Variants in TSPAN5 observed in about 807,000 individuals in gnomAD.
TSPAN5 encodes the protein tetraspanin 5.
TSPAN5 carries 10 observed loss-of-function variants against 37.1 expected under a neutral mutation model. That is an observed-to-expected ratio of 0.27 (90% CI 0.17 to 0.46). The LOEUF (loss-of-function observed/expected upper bound fraction) is 0.46, where lower values mean the gene tolerates loss of function less well. Among genes scored for constraint, TSPAN5 ranks in the 20% least tolerant of loss-of-function variants. TSPAN5 has a pLI of 1.00. For missense variants in TSPAN5, 195 were observed against 326.6 expected, an observed-to-expected ratio of 0.60 and a Z score of 3.11; for synonymous variants, 110 against 118.9, an observed-to-expected ratio of 0.93 and a Z score of 0.48.
At chr4:98,496,444 C>T (rs1222340441) in intron 2 of TSPAN5, 4 of 152,066 alleles carry the variant, frequency 2.6e-5, no homozygotes, top group Non-Finnish European at 5.9e-5. Flanking sequence ...CGACTAGCTG[C>T]TTCAAAGGTG....
intron 1 of TSPAN5, among the ~76,000 whole-genome samples, chr4:98,652,191 A>G (rs1353999228): frequency 6.6e-6 from 1 of 152,162 alleles, no homozygotes; most frequent in East Asian, 1.9e-4. Context: ...ACTGTGTTTC[A>G]GACAATGCGC....
At chr4:98,641,260 T>C (rs1399330206) in intron 1 of TSPAN5, among the ~76,000 whole-genome samples, 2 of 152,200 alleles carry the variant, frequency 1.3e-5, no homozygotes, top group African/African-American at 4.8e-5. Context: ...ACAGGACATA[T>C]GTGAATGTGT....
chr4:98,589,878 T>TC (rs1755585797), intron 1 of TSPAN5, among the ~76,000 whole-genome samples: 2 of 152,180 alleles, frequency 1.3e-5, no homozygotes, highest in Admixed American at 6.5e-5. Flanking sequence ...GTGGGGTTTT[T>TC]CTCCCCTTTT....
chr4:98,472,703 T>A lies in TSPAN5; in HGVS notation c.742-116A>T. ...TGAAATTTAAGATGTAATTCATATG[T>A]GGTAAAAAGCATCCTTGAAATGTGT... On this transcript the variant is annotated intron_variant, in intron 7 of 7. Transcript: ENST00000305798. 7 of 834,210 alleles carry A rather than the reference T, an allele frequency of 8.4e-6. No homozygotes were observed. The South Asian group carries it at 9.9e-5, about 12-fold the overall frequency. The allele number at this position is 834,210 out of a possible 1,614,324, so 51.7% of individuals were successfully genotyped here. A position where few individuals can be genotyped will look rare whatever the true frequency, so the allele number is the denominator to read the frequency against.
chr4:98,534,495 G>T (rs1266010549), intron 1 of TSPAN5, among the ~76,000 whole-genome samples: 2 of 152,212 alleles, frequency 1.3e-5, no homozygotes, highest in Admixed American at 6.5e-5. Context: ...ATATTCTGTT[G>T]ATTTAGGGTG....
intron 1 of TSPAN5, among the ~76,000 whole-genome samples, chr4:98,610,889 A>T (rs567636496): frequency 6.6e-6 from 1 of 152,102 alleles, no homozygotes; most frequent in Admixed American, 6.5e-5. Flanking sequence ...CAGGCATGTG[A>T]TTCCCCCTGA....
chr4:98,548,772 G>A (rs1465065209), intron 1 of TSPAN5, among the ~76,000 whole-genome samples: 1 of 152,046 alleles, frequency 6.6e-6, no homozygotes, highest in Non-Finnish European at 1.5e-5. Flanking sequence ...AGAATGTGTG[G>A]CATTTGCCTT....
At chr4:98,560,248 A>G (rs1754850202) in intron 1 of TSPAN5, 1 of 152,214 alleles carries the variant, frequency 6.6e-6, no homozygotes, top group African/African-American at 2.4e-5. Flanking sequence ...AGAGTGGCTC[A>G]TAAGCAGACT....
chr4:98,623,473 T>C (rs1225550689), intron 1 of TSPAN5, among the ~76,000 whole-genome samples: 1 of 152,188 alleles, frequency 6.6e-6, no homozygotes, highest in East Asian at 1.9e-4. Flanking sequence ...TGTAATAATA[T>C]CCTCTGTCCC....
chr4:98,502,599 A>G (rs919944233), intron 2 of TSPAN5, among the ~76,000 whole-genome samples: 6 of 152,222 alleles, frequency 3.9e-5, no homozygotes, highest in Admixed American at 2.6e-4. Context: ...CATGGGTTCA[A>G]TAAGAAAGTG....
At chr4:98,543,803 C>G (rs1459320564) in intron 1 of TSPAN5, among the ~76,000 whole-genome samples, 1 of 152,068 alleles carries the variant, frequency 6.6e-6, no homozygotes, top group African/African-American at 2.4e-5. Context: ...TGAATCCATA[C>G]CTTTTTCTAT....
intron 2 of TSPAN5, among the ~76,000 whole-genome samples, chr4:98,499,861 C>T (rs889512308): frequency 1.8e-4 from 28 of 151,852 alleles, no homozygotes; most frequent in Admixed American, 1.4e-3. Context: ...GGGGTTTCAC[C>T]GTGTTAGCCA....
intron 2 of TSPAN5, among the ~76,000 whole-genome samples, chr4:98,490,172 C>A (rs1248865872): frequency 6.6e-6 from 1 of 152,140 alleles, no homozygotes; most frequent in Admixed American, 6.5e-5. Context: ...GCTCCCAAAC[C>A]CTTGCCCATG....
intron 1 of TSPAN5, among the ~76,000 whole-genome samples, chr4:98,545,934 G>A (rs1279533824): frequency 6.6e-6 from 1 of 152,014 alleles, no homozygotes; most frequent in Non-Finnish European, 1.5e-5. Flanking sequence ...TATTAATAAT[G>A]TTAATAGCAA....
intron 1 of TSPAN5, among the ~76,000 whole-genome samples, chr4:98,543,476 C>A (rs370030108): frequency 6.7e-6 from 1 of 150,230 alleles, no homozygotes; most frequent in African/African-American, 2.5e-5. Flanking sequence ...AGTGCAGTGG[C>A]GTGATCTCGG....
intron 1 of TSPAN5, among the ~76,000 whole-genome samples, chr4:98,621,254 C>G (rs1406309499): frequency 6.6e-6 from 1 of 152,004 alleles, no homozygotes; most frequent in Non-Finnish European, 1.5e-5. Context: ...CCTGTGACAC[C>G]TTCATCTCAG....
At chr4:98,476,121 C>A (rs952855949) in intron 7 of TSPAN5, 68 bp downstream of exon 7, 12 of 1,257,464 alleles carry the variant, frequency 9.5e-6, no homozygotes, top group Admixed American at 5.4e-5. Flanking sequence ...AAGCAAAGCT[C>A]CGATCCTGGC....
At chr4:98,614,237 T>A (rs962557505) in intron 1 of TSPAN5, among the ~76,000 whole-genome samples, 1 of 152,248 alleles carries the variant, frequency 6.6e-6, no homozygotes, top group Non-Finnish European at 1.5e-5. Context: ...TGGAGTCTTA[T>A]GTCTAAATCA....
chr4:98,603,739 T>C (rs1560555116), intron 1 of TSPAN5, among the ~76,000 whole-genome samples: 1 of 152,184 alleles, frequency 6.6e-6, no homozygotes, highest in Non-Finnish European at 1.5e-5. Context: ...GATCTTGCTG[T>C]GGGTTACAGA....
Sources: allele counts gnomAD v4.1 joint callset (sites outside exome capture counted in the v4.1 genomes callset), GRCh38; gene constraint gnomAD v4.1.1; transcripts MANE v1.5; gene names NCBI Gene and HGNC (gene_info 2026-07-23, HGNC 2026-07-21).